The following PLXNA2 variants were observed in gnomAD, a reference collection of about 807,000 sequenced individuals.
The protein encoded by PLXNA2 is plexin A2.
A neutral mutation model predicts 193.5 loss-of-function variants in PLXNA2; 91 were observed. That is an observed-to-expected ratio of 0.47 (90% CI 0.40 to 0.56). The LOEUF is 0.56. Among genes scored for constraint, PLXNA2 ranks in the 20% least tolerant of loss-of-function variants. PLXNA2 has a pLI of 0.00. For synonymous variants in PLXNA2, 997 were observed against 1,027.3 expected, an observed-to-expected ratio of 0.97 and a Z score of 0.56; for missense variants, 1,995 against 2,503.2, an observed-to-expected ratio of 0.80 and a Z score of 4.33.
intron 4 of PLXNA2, among the ~76,000 whole-genome samples, chr1:208,133,924 A>C (rs1407478808): frequency 2.0e-5 from 3 of 152,208 alleles, no homozygotes; most frequent in Admixed American, 2.0e-4. Context: ...AGACACTGTA[A>C]CTTCCCATCT....
Position 208,227,997 on chromosome 1 carries a change from C to A in PLXNA2, c.-80-9995G>T, listed in dbSNP as rs78155150. Among the ~76,000 whole-genome samples the A allele has an allele frequency of 8.1e-3, 1,228 of 152,192 alleles. 22 individuals carry two copies. The highest frequency in any genetic ancestry group is 0.027 in the African/African-American group (1,125 of 41,546). On this transcript the variant is annotated intron_variant, in intron 1 of 31. Transcript: ENST00000367033. ...TACTACTGGGAGAAAAAAGGAGGAA[C>A]AATGAGGGAGTAAGAAAAAGCCAAA... is the stretch of plus-strand genomic sequence containing the variant.
intron 9 of PLXNA2, among the ~76,000 whole-genome samples, chr1:208,089,617 G>C (rs988063668): frequency 6.6e-6 from 1 of 152,084 alleles, no homozygotes; most frequent in Non-Finnish European, 1.5e-5. Context: ...GCCGGTCCCT[G>C]GGCACACTTT....
intron 13 of PLXNA2, among the ~76,000 whole-genome samples, chr1:208,059,251 A>G (rs897910483): frequency 2.0e-5 from 3 of 152,208 alleles, no homozygotes; most frequent in African/African-American, 7.2e-5. Context: ...TTTTTGGCTC[A>G]GAAGCACTAT....
chr1:208,140,329 GT>G (rs934482070), intron 4 of PLXNA2, among the ~76,000 whole-genome samples: 1 of 152,118 alleles, frequency 6.6e-6, no homozygotes, highest in African/African-American at 2.4e-5. Flanking sequence ...TTCAGAAAGC[GT>G]TTCATTGGAT....
Position 208,128,702 on chromosome 1 carries a change from T to C in PLXNA2, c.1506+13627A>G, listed in dbSNP as rs865959183. ...AGTGTTTCCTGTTTCTTTCTTTTTT[T>C]TTTTTTTTTTTTTTTTTGGGATGGA... is the stretch of plus-strand genomic sequence containing the variant. On this transcript the variant is annotated intron_variant, in intron 4 of 31. Coordinates refer to ENST00000367033, the MANE Select transcript of PLXNA2 (RefSeq NM_025179.4). 4.7e-3 allele frequency among the ~76,000 whole-genome samples: 658 copies of C among 139,810 alleles called. 4 individuals are homozygous for C. Among genetic ancestry groups the C allele is most frequent in the Middle Eastern group, 0.015 (4 of 268 alleles). The allele number at this position is 139,810 out of a possible 152,430, so 91.7% of individuals were successfully genotyped here. A position where few individuals can be genotyped will look rare whatever the true frequency, so the allele number is the denominator to read the frequency against.
At chr1:208,091,037 T>G (rs966350186) in intron 9 of PLXNA2, among the ~76,000 whole-genome samples, 4 of 152,230 alleles carry the variant, frequency 2.6e-5, no homozygotes, top group Non-Finnish European at 5.9e-5. Flanking sequence ...TAATCTCCAG[T>G]GTCCAGGAAG....
At position 208,026,150 on chromosome 1, in the gene PLXNA2, C is replaced by T. The variant is rs1428098043; in HGVS notation, c.*1093G>A. 1 of 152,556 alleles carries T rather than the reference C, an allele frequency of 6.6e-6. No homozygotes were observed. Among genetic ancestry groups the T allele is most frequent in the African/African-American group, 2.4e-5 (1 of 41,432 alleles). The allele number at this position is 152,556 out of a possible 1,614,324, so 9.5% of individuals were successfully genotyped here. A position where few individuals can be genotyped will look rare whatever the true frequency, so the allele number is the denominator to read the frequency against. On this transcript the variant is annotated 3_prime_UTR_variant, in exon 32 of 32. Transcript: ENST00000367033. ...GATTGGAGTGAACTCCAAAGTCAAA[C>T]ACCTATGTCTCCAAATCAACTTTCA...
intron 10 of PLXNA2, 96 bp downstream of exon 10, chr1:208,084,284 G>A (rs716461): frequency 0.27 from 348,805 of 1,312,566 alleles, 47,821 homozygotes; most frequent in Admixed American, 0.33. Context: ...TGTGAACCTG[G>A]AAGGCTCCGG....
At position 208,052,524 on chromosome 1, in the gene PLXNA2, G is replaced by A. The variant is rs1293444187; in HGVS notation, c.2857-61C>T. ...GTTTTCTCCAAAAGGATGGACCATGGTTAGATCTAAGGATGGGAGAGATTG... is the reference window on the plus strand; with the variant it reads ...GTTTTCTCCAAAAGGATGGACCATGATTAGATCTAAGGATGGGAGAGATTG... On this transcript the variant is annotated intron_variant, in intron 14 of 31. Transcript: ENST00000367033. 2.6e-6 allele frequency: 4 copies of A among 1,541,576 alleles called. No homozygotes were observed. The South Asian group carries it at 4.5e-5, about 17-fold the overall frequency.
At chr1:208,243,270 C>T (rs1672120997) in intron 1 of PLXNA2, among the ~76,000 whole-genome samples, 1 of 152,164 alleles carries the variant, frequency 6.6e-6, no homozygotes, top group Admixed American at 6.5e-5. Context: ...CTTTGGGCTC[C>T]AGCTCTCAGG....
At position 208,082,203 on chromosome 1, in the gene PLXNA2, C is replaced by A. The variant is rs551728598; in HGVS notation, c.2395+209G>T. Among the ~76,000 whole-genome samples the A allele has an allele frequency of 1.5e-3, 233 of 152,322 alleles. 2 individuals carry two copies. The highest frequency in any genetic ancestry group is 2.5e-3 in the Admixed American group (38 of 15,298). ...TAACGTGGATGGGCCGGCGGCCGCC[C>A]AGCGGATGCTCTGGTTGTAATAAAA... is the stretch of plus-strand genomic sequence containing the variant. On this transcript the variant is annotated intron_variant, in intron 11 of 31. Coordinates refer to ENST00000367033, the MANE Select transcript of PLXNA2 (RefSeq NM_025179.4). The surrounding 1 kb of genome is among the most constrained non-coding windows in gnomAD (Gnocchi z 4.2).
At chr1:208,065,298 G>C (rs930780663) in intron 12 of PLXNA2, among the ~76,000 whole-genome samples, 1 of 152,226 alleles carries the variant, frequency 6.6e-6, no homozygotes, top group African/African-American at 2.4e-5. Context: ...CTGATGCTGG[G>C]ACAGTGTCTG....
intron 7 of PLXNA2, 40 bp from the exon 8 acceptor site, chr1:208,096,165 C>T (rs374245558): frequency 8.9e-5 from 131 of 1,474,588 alleles, no homozygotes; most frequent in East Asian, 5.0e-4. Context: ...TGGGTAACAA[C>T]GTGGGGGACC....
At chr1:208,209,521 C>A (rs1384877766) in intron 3 of PLXNA2, among the ~76,000 whole-genome samples, 2 of 152,178 alleles carry the variant, frequency 1.3e-5, no homozygotes, top group East Asian at 1.9e-4. Flanking sequence ...ACATAATGAA[C>A]CAGATTGTGC....
At chr1:208,062,099 C>A (rs569820711) in intron 12 of PLXNA2, among the ~76,000 whole-genome samples, 1 of 152,112 alleles carries the variant, frequency 6.6e-6, no homozygotes, top group Non-Finnish European at 1.5e-5. Flanking sequence ...TGATGAAGAT[C>A]GAGCGTCCTC....
At chr1:208,116,389 T>C (rs1667640384) in intron 4 of PLXNA2, among the ~76,000 whole-genome samples, 1 of 152,256 alleles carries the variant, frequency 6.6e-6, no homozygotes, top group African/African-American at 2.4e-5. Context: ...AATAGGTCTA[T>C]AAATACCTGC....
At chr1:208,052,906 C>G (rs1235340393) in intron 14 of PLXNA2, among the ~76,000 whole-genome samples, 1 of 151,844 alleles carries the variant, frequency 6.6e-6, no homozygotes, top group Admixed American at 6.6e-5. Context: ...ATTAATGGCC[C>G]ATGCACATGC....
At position 208,210,443 on chromosome 1, in the gene PLXNA2, T is replaced by C. The variant is rs1227306007; in HGVS notation, c.1208A>G (p.Asn403Ser). 6.2e-7 allele frequency: 1 copy of C among 1,612,892 alleles called. No individual in the cohort carries two copies. Among genetic ancestry groups the C allele is most frequent in the South Asian group, 1.1e-5 (1 of 90,956 alleles). Residue 403 changes from asparagine to serine, a missense_variant, in exon 3 of 32, where the codon AAC (asparagine) becomes AGC (serine). Asn to Ser is a conservative substitution (Grantham distance 46). Around this residue, in one of 3 missense-constraint regions of PLXNA2, gnomAD observed 702 missense variants for 812.9 expected, o/e 0.86. Coordinates refer to ENST00000367033, the MANE Select transcript of PLXNA2 (RefSeq NM_025179.4). ...CTKAPVPIDD[N>S]FCGLDINQPL... ...CTGGTTGATGTCCAGTCCACAGAAG[T>C]TATCATCGATGGGGACAGGCTGGAG...
chr1:208,027,953 TC>T, intron 31 of PLXNA2, 55 bp downstream of exon 31: 1 of 1,473,526 alleles, frequency 6.8e-7, no homozygotes, highest in Non-Finnish European at 9.1e-7. Flanking sequence ...AAGGACTGAG[TC>T]AGGCTTCCTG....
Sources: gnomAD v4.1 joint callset for allele counts (sites outside exome capture counted in the v4.1 genomes callset) on GRCh38, gnomAD v4.1.1 for gene constraint, gnomAD v4.1.1 regional missense constraint, Gnocchi (gnomAD v3.1) non-coding constraint, MANE v1.5 for transcripts, NCBI Gene and HGNC (gene_info 2026-07-23, HGNC 2026-07-21) for gene names.